Variants in LZTS1 observed in about 807,000 individuals in gnomAD.
LZTS1 encodes the protein leucine zipper putative tumor suppressor 1.
In LZTS1, 31 loss-of-function variants were observed where a neutral mutation model predicts 45.8. The ratio of observed to expected loss-of-function variants is 0.68; its 90% CI spans 0.51 to 0.91. The LOEUF is 0.91. Ranked by LOEUF, LZTS1 falls within the 40% of genes least tolerant of loss-of-function variation. The pLI is 0.00. For missense variants in LZTS1, 821 were observed against 788.9 expected, an observed-to-expected ratio of 1.04 and a Z score of -0.49; for synonymous variants, 359 against 357.3, an observed-to-expected ratio of 1.00 and a Z score of -0.05.
At position 20,303,854 on chromosome 8, in the gene LZTS1, G is replaced by C; in HGVS notation, c.-249C>G. The C allele has an allele frequency of 1.0e-6, 1 of 985,092 alleles. No individual in the cohort carries two copies. Among genetic ancestry groups the C allele is most frequent in the Non-Finnish European group, 1.2e-6 (1 of 829,830 alleles). The allele number at this position is 985,092 out of a possible 1,614,324, so 61.0% of individuals were successfully genotyped here. ...GAGCGGGCCGGGCCGGTCCCACTGC[G>C]CGGGATGCAGCTCCCGGCTCCCACT... On this transcript the variant is annotated 5_prime_UTR_variant, in exon 1 of 4. Coordinates refer to ENST00000381569, the MANE Select transcript of LZTS1 (RefSeq NM_021020.5).
intron 1 of LZTS1, among the ~76,000 whole-genome samples, chr8:20,269,711 C>G (rs1375192483): frequency 6.6e-6 from 1 of 152,178 alleles, no homozygotes; most frequent in African/African-American, 2.4e-5. Flanking sequence ...ACCTGGTTAG[C>G]CTTTGGCAAA....
chr8:20,249,587 C>T lies in LZTS1; in HGVS notation c.*135G>A. ...GGGAAGGAAAGGCCATCCTGCCCTC[C>T]CCTCGGGGGTCCTGGGTCTGTGTCC... On this transcript the variant is annotated 3_prime_UTR_variant, in exon 4 of 4. Transcript: ENST00000381569. The T allele has an allele frequency of 1.8e-6, 2 of 1,118,380 alleles. No individual in the cohort carries two copies. Among genetic ancestry groups the T allele is most frequent in the Non-Finnish European group, 1.2e-6 (1 of 803,400 alleles). The allele number at this position is 1,118,380 out of a possible 1,614,324, so 69.3% of individuals were successfully genotyped here. A position where few individuals can be genotyped will look rare whatever the true frequency, so the allele number is the denominator to read the frequency against.
intron 1 of LZTS1, among the ~76,000 whole-genome samples, chr8:20,295,283 A>G (rs1800962520): frequency 6.6e-6 from 1 of 152,200 alleles, no homozygotes; most frequent in Non-Finnish European, 1.5e-5. Flanking sequence ...CTTCTGCACA[A>G]GGACCACAGG....
intron 1 of LZTS1, among the ~76,000 whole-genome samples, chr8:20,291,450 C>T (rs1033024217): frequency 2.0e-5 from 3 of 152,164 alleles, no homozygotes; most frequent in African/African-American, 7.2e-5. Context: ...TTCTACTATG[C>T]TTCATGTGCT....
chr8:20,299,399 A>G (rs1801034386), intron 1 of LZTS1, among the ~76,000 whole-genome samples: 1 of 152,228 alleles, frequency 6.6e-6, no homozygotes, highest in Non-Finnish European at 1.5e-5. Context: ...TGCAAAAACC[A>G]CAATTACTTT....
rs77646768 is a variant in LZTS1 at position 20,303,818 on chromosome 8, C to G, written c.-213G>C. ...CCGGTGTGTTCCCGTCTCTCTTTTT[C>G]CAGAGCTGCTGAGCGGGCCGGGCCG... On this transcript the variant is annotated 5_prime_UTR_variant, in exon 1 of 4. Transcript: ENST00000381569. 3.9e-5 allele frequency: 38 copies of G among 983,770 alleles called. No homozygotes were observed. Among genetic ancestry groups the G allele is most frequent in the Non-Finnish European group, 4.5e-5 (37 of 829,494 alleles). 60.9% of individuals were successfully genotyped at this position (983,770 alleles called of 1,614,324 possible). A position where few individuals can be genotyped will look rare whatever the true frequency, so the allele number is the denominator to read the frequency against.
chr8:20,249,566 A>C lies in LZTS1; in HGVS notation c.*156T>G. On this transcript the variant is annotated 3_prime_UTR_variant, in exon 4 of 4. Transcript: ENST00000381569. The stretch of plus-strand genomic sequence containing the variant: ...TGAGCACTGGGACATCAGAGAGGGA[A>C]GGAAAGGCCATCCTGCCCTCCCCTC... 3.5e-6 allele frequency: 3 copies of C among 869,022 alleles called. No homozygotes were observed. Among genetic ancestry groups the C allele is most frequent in the Non-Finnish European group, 3.4e-6 (2 of 583,434 alleles). 53.8% of individuals were successfully genotyped at this position (869,022 alleles called of 1,614,324 possible). A position where few individuals can be genotyped will look rare whatever the true frequency, so the allele number is the denominator to read the frequency against.
Position 20,249,857 on chromosome 8 carries a change from G to A in LZTS1, c.1656C>T (p.Ala552=), listed in dbSNP as rs1799837786. The A allele has an allele frequency of 6.2e-7, 1 of 1,614,180 alleles. No homozygotes were observed. The highest frequency in any genetic ancestry group is 8.5e-7 in the Non-Finnish European group (1 of 1,180,010). Residue 552 remains alanine (A), a synonymous_variant, in exon 4 of 4, where the codon GCC becomes GCT. Coordinates refer to ENST00000381569, the MANE Select transcript of LZTS1 (RefSeq NM_021020.5). ...CCAGGCGCTGGTTCCGCTGGTACAT[G>A]GCCACGTAGCTCTGCTGCAGCTGTT... The part of the protein sequence containing the change: ...YQKQLQQSYV[A]MYQRNQRLEK...
intron 1 of LZTS1, among the ~76,000 whole-genome samples, chr8:20,280,896 C>G (rs146132612): frequency 1.4e-3 from 212 of 152,308 alleles, no homozygotes; most frequent in African/African-American, 4.8e-3. Context: ...GACTTACCTT[C>G]TACCTCCTCT....
chr8:20,276,877 C>G (rs1405570681), intron 1 of LZTS1, among the ~76,000 whole-genome samples: 2 of 152,128 alleles, frequency 1.3e-5, no homozygotes, highest in African/African-American at 4.8e-5. Context: ...GGTGTTAGAT[C>G]AGAGGAAAAC....
chr8:20,268,945 G>A lies in LZTS1; in HGVS notation c.-134-13630C>T, dbSNP rs574033760. Among the ~76,000 whole-genome samples, 214 of 152,208 alleles carry A rather than the reference G, an allele frequency of 1.4e-3. 2 individuals are homozygous for A. Among genetic ancestry groups the A allele is most frequent in the African/African-American group, 4.9e-3 (204 of 41,524 alleles). On this transcript the variant is annotated intron_variant, in intron 1 of 3. Transcript: ENST00000381569. ...TGGAGGAATCAAAAGCCACTCTGCC[G>A]GGCGGGCTTTTGTGCACAGGTCGTC...
At chr8:20,268,153 TCCCCAC>T (rs200742663) in intron 1 of LZTS1, among the ~76,000 whole-genome samples, 11 of 124,400 alleles carry the variant, frequency 8.8e-5, no homozygotes, top group South Asian at 3.0e-4. Context: ...TTAGAAGGAC[TCCCCAC>T]CCCCACCCCC....
intron 1 of LZTS1, among the ~76,000 whole-genome samples, chr8:20,301,197 T>A (rs6586903): frequency 2.7e-5 from 4 of 150,768 alleles, no homozygotes; most frequent in Non-Finnish European, 5.9e-5. Context: ...GAATATTCCA[T>A]GCAGAAGAAA....
Position 20,249,996 on chromosome 8 carries a change from C to T in LZTS1, c.1517G>A (p.Arg506Gln), listed in dbSNP as rs151098429. ...DVPALQRELE[R>Q]LRAELREERQ... Reference sequence around the variant, plus strand: ...CTCCTCCCGCAGCTCGGCCCGCAGCCGCTCCAGCTCCCGCTGCAGGGCAGG... The same window carrying T: ...CTCCTCCCGCAGCTCGGCCCGCAGCTGCTCCAGCTCCCGCTGCAGGGCAGG... Residue 506 changes from arginine to glutamine, a missense_variant, in exon 4 of 4, where the codon CGG (arginine) becomes CAG (glutamine). Physicochemically the swap from Arg to Gln is conservative, Grantham distance 43. Coordinates refer to ENST00000381569, the MANE Select transcript of LZTS1 (RefSeq NM_021020.5). 108 of 1,613,208 alleles carry T rather than the reference C, an allele frequency of 6.7e-5. No homozygotes were observed. Among genetic ancestry groups the T allele is most frequent in the South Asian group, 1.6e-4 (15 of 91,072 alleles).
chr8:20,249,442 G>A lies in LZTS1; in HGVS notation c.*280C>T, dbSNP rs2128890743. 1 of 414,994 alleles carries A rather than the reference G, an allele frequency of 2.4e-6. No individual in the cohort carries two copies. Among genetic ancestry groups the A allele is most frequent in the African/African-American group, 2.0e-5 (1 of 50,174 alleles). The allele number at this position is 414,994 out of a possible 1,614,324, so 25.7% of individuals were successfully genotyped here. A position where few individuals can be genotyped will look rare whatever the true frequency, so the allele number is the denominator to read the frequency against. On this transcript the variant is annotated 3_prime_UTR_variant, in exon 4 of 4. Coordinates refer to ENST00000381569, the MANE Select transcript of LZTS1 (RefSeq NM_021020.5). ...ATATCTATTTCGAACAAAGGCCAAA[G>A]TTTAGGGAGCCCTTAACCAAAGCAG... is the stretch of plus-strand genomic sequence containing the variant.
At chr8:20,286,666 A>G (rs560926836) in intron 1 of LZTS1, among the ~76,000 whole-genome samples, 5 of 152,216 alleles carry the variant, frequency 3.3e-5, no homozygotes, top group Non-Finnish European at 7.3e-5. Context: ...AAATGGCCAC[A>G]TGTGTTCACT....
Position 20,250,378 on chromosome 8 carries a change from G to A in LZTS1, c.1150-15C>T, listed in dbSNP as rs1269165258. The A allele has an allele frequency of 1.3e-6, 2 of 1,574,684 alleles. No homozygotes were observed. Reference sequence around the variant, plus strand: ...TTCTGGCACACCTGCCGAGGGTGGGGTGGAGACAGAGTGCCAAGAGGTGAG... The same window carrying A: ...TTCTGGCACACCTGCCGAGGGTGGGATGGAGACAGAGTGCCAAGAGGTGAG... On this transcript the variant is annotated splice_polypyrimidine_tract_variant and intron_variant, in intron 3 of 3. Transcript: ENST00000381569.
chr8:20,253,397 G>C lies in LZTS1; in HGVS notation c.534C>G (p.Ser178=). 2.5e-6 allele frequency: 4 copies of C among 1,612,420 alleles called. No homozygotes were observed. The highest frequency in any genetic ancestry group is 3.4e-6 in the Non-Finnish European group (4 of 1,179,008). ...TGCTGTGTGTGGGCAGGCTGGACAT[G>C]GAGTTCCGGCCGGAGTCTGACAGCG... The part of the protein sequence containing the change: ...SGALSDSGRN[S]MSSLPTHSTS... The change falls in exon 3 of 4, where the codon TCC becomes TCG. Residue 178 remains serine (S), a synonymous_variant. Transcript: ENST00000381569.
Position 20,288,987 on chromosome 8 carries a change from G to GTTTTTTT in LZTS1, c.-135+14746_-135+14752dup, listed in dbSNP as rs59572169. On this transcript the variant is annotated intron_variant, in intron 1 of 3. Transcript: ENST00000381569. ...ATTAAGAGCTTAAAAATAGCAGCTG[G>GTTTTTTT]TTTTTTTTTTTTTTTTTTTTAGACA... Among the ~76,000 whole-genome samples the GTTTTTTT allele has an allele frequency of 3.3e-5, 4 of 119,692 alleles. 1 individual carries two copies. Among genetic ancestry groups the GTTTTTTT allele is most frequent in the Non-Finnish European group, 6.6e-5 (4 of 60,392 alleles). The allele number at this position is 119,692 out of a possible 152,430, so 78.5% of individuals were successfully genotyped here.
Sources: allele counts gnomAD v4.1 joint callset (sites outside exome capture counted in the v4.1 genomes callset), GRCh38; gene constraint gnomAD v4.1.1; transcripts MANE v1.5; gene names NCBI Gene and HGNC (gene_info 2026-07-23, HGNC 2026-07-21).